SLC13A3: variants seen among roughly 807,000 people sequenced by gnomAD.
SLC13A3 encodes Na(+)/dicarboxylate cotransporter 3.
SLC13A3 carries 40 observed loss-of-function variants against 59.0 expected under a neutral mutation model. The observed-to-expected ratio is 0.68, with a 90% CI of 0.53 to 0.88. The LOEUF is 0.88. SLC13A3 is among the 40% of genes least tolerant of loss of function. The probability of loss-of-function intolerance (pLI) is 0.00; values close to 1 mark genes in which losing one functional copy is unlikely to be tolerated. For missense variants in SLC13A3, 699 were observed against 783.2 expected (o/e 0.89, Z 1.28); for synonymous variants, 317 against 330.3 (o/e 0.96, Z 0.44).
chr20:46,647,363 T>C (rs1268438056), intron 1 of SLC13A3, among the ~76,000 whole-genome samples: 1 of 152,068 alleles, frequency 6.6e-6, no homozygotes, highest in East Asian at 1.9e-4. Flanking sequence ...GGAAAGGGGG[T>C]AAGGCTTCTC....
intron 1 of SLC13A3, among the ~76,000 whole-genome samples, chr20:46,667,649 A>T (rs1300497363): frequency 6.6e-6 from 1 of 152,214 alleles, no homozygotes; most frequent in Non-Finnish European, 1.5e-5. Context: ...AGCTACATTC[A>T]AATTCTGGCT....
intron 10 of SLC13A3, among the ~76,000 whole-genome samples, chr20:46,570,711 G>A (rs920263676): frequency 3.6e-4 from 54 of 152,086 alleles, no homozygotes; most frequent in African/African-American, 1.2e-3. Context: ...ATCGTATGTC[G>A]AATCGTTGTG....
chr20:46,582,725 T>C, intron 9 of SLC13A3: 2 of 985,302 alleles, frequency 2.0e-6, no homozygotes, highest in Non-Finnish European at 2.4e-6. Context: ...GCTGGGGCTA[T>C]CCTGAGTGAC....
At chr20:46,614,714 T>G (rs763118213) in intron 1 of SLC13A3, among the ~76,000 whole-genome samples, 4 of 152,200 alleles carry the variant, frequency 2.6e-5, no homozygotes, top group Admixed American at 6.5e-5. Flanking sequence ...ATTAGGAAAC[T>G]GAGGTGCAAG....
intron 1 of SLC13A3, among the ~76,000 whole-genome samples, chr20:46,637,424 G>A (rs374313801): frequency 2.0e-5 from 3 of 152,284 alleles, no homozygotes; most frequent in East Asian, 3.9e-4. Context: ...GCAGCCCCTA[G>A]GAGATGAGCT....
At chr20:46,571,609 G>C (rs1267888318) in intron 10 of SLC13A3, among the ~76,000 whole-genome samples, 1 of 152,114 alleles carries the variant, frequency 6.6e-6, no homozygotes, top group Non-Finnish European at 1.5e-5. Flanking sequence ...CTAGAACAGT[G>C]GTGGGTAAGA....
upstream of SLC13A3, among the ~76,000 whole-genome samples, chr20:46,655,582 T>G (rs1446344782): frequency 6.8e-6 from 1 of 147,826 alleles, no homozygotes; most frequent in Non-Finnish European, 1.5e-5. Context: ...AATATTCCAT[T>G]GTATGGATAT....
intron 1 of SLC13A3, among the ~76,000 whole-genome samples, chr20:46,663,411 C>T (rs1419775252): frequency 6.6e-6 from 1 of 151,330 alleles, no homozygotes; most frequent in Non-Finnish European, 1.5e-5. Context: ...TGCCACTACA[C>T]TCCAGCCTGG....
At chr20:46,652,221 T>G (rs2062956681), upstream of SLC13A3, among the ~76,000 whole-genome samples, 1 of 152,158 alleles carries the variant, frequency 6.6e-6, no homozygotes, top group Non-Finnish European at 1.5e-5. Context: ...AATCTGCACA[T>G]GTACCCCTGA....
At chr20:46,572,344 TG>T (rs1363030713) in intron 10 of SLC13A3, among the ~76,000 whole-genome samples, 1 of 151,996 alleles carries the variant, frequency 6.6e-6, no homozygotes, top group Non-Finnish European at 1.5e-5. Context: ...CGGCAGAGGC[TG>T]GGGAAAGGAA....
chr20:46,627,579 TCA>T (rs1418648128), intron 1 of SLC13A3, among the ~76,000 whole-genome samples: 2 of 151,932 alleles, frequency 1.3e-5, no homozygotes, highest in Non-Finnish European at 2.9e-5. Context: ...ATGTGAAATC[TCA>T]GTTTTAAAAG....
intron 1 of SLC13A3, among the ~76,000 whole-genome samples, chr20:46,638,582 G>A (rs146098728): frequency 9.5e-4 from 144 of 152,292 alleles, no homozygotes; most frequent in African/African-American, 3.3e-3. Flanking sequence ...TGCCTTTCTC[G>A]TGCCTGGAAT....
At chr20:46,622,703 T>C (rs890829675) in intron 1 of SLC13A3, among the ~76,000 whole-genome samples, 6 of 150,666 alleles carry the variant, frequency 4.0e-5, no homozygotes, top group African/African-American at 1.5e-4. Flanking sequence ...AGTTACAAAT[T>C]TAAGAAGGCA....
intron 1 of SLC13A3, among the ~76,000 whole-genome samples, chr20:46,622,311 A>G (rs1371021808): frequency 6.6e-6 from 1 of 152,188 alleles, no homozygotes; most frequent in African/African-American, 2.4e-5. Flanking sequence ...TGCCGGCTCA[A>G]ATAACTACAA....
At chr20:46,583,494 G>A (rs2146113475) in intron 9 of SLC13A3, 78 bp downstream of exon 9, 16 of 1,569,958 alleles carry the variant, frequency 1.0e-5, no homozygotes, top group African/African-American at 1.4e-5. Flanking sequence ...GCAGTGGGGG[G>A]CTCCAGGCCC....
chr20:46,592,618 C>T (rs1195447131), intron 5 of SLC13A3, 89 bp from the exon 6 acceptor site: 34 of 1,358,796 alleles, frequency 2.5e-5, no homozygotes, highest in Non-Finnish European at 2.7e-5. Context: ...CTAGTAGCAG[C>T]GGGGAGGAGG....
At chr20:46,600,290 G>A (rs1260572064) in intron 3 of SLC13A3, among the ~76,000 whole-genome samples, 43 of 104,172 alleles carry the variant, frequency 4.1e-4, no homozygotes, top group African/African-American at 1.9e-3. Flanking sequence ...GGAAAGGGAG[G>A]GAAAGAAAGA....
At chr20:46,582,014 A>G (rs1293585252) in intron 9 of SLC13A3, among the ~76,000 whole-genome samples, 1 of 152,194 alleles carries the variant, frequency 6.6e-6, no homozygotes, top group East Asian at 1.9e-4. Flanking sequence ...TGGGTCGCAC[A>G]TGGTGGCTCA....
intron 12 of SLC13A3, among the ~76,000 whole-genome samples, chr20:46,562,580 A>G (rs2146074053): frequency 6.6e-6 from 1 of 152,202 alleles, no homozygotes; most frequent in Admixed American, 6.5e-5. Context: ...ATTTAGGAAA[A>G]TCTGCTGAAC....
Sources: allele counts gnomAD v4.1 joint callset (sites outside exome capture counted in the v4.1 genomes callset), GRCh38; gene constraint gnomAD v4.1.1; transcripts MANE v1.5; gene names NCBI Gene and HGNC (gene_info 2026-07-23, HGNC 2026-07-21).